The following PDK1 variants were observed in gnomAD, a reference collection of about 807,000 sequenced individuals.
The protein encoded by PDK1 is [Pyruvate dehydrogenase (acetyl-transferring)] kinase isozyme 1, mitochondrial.
Under a neutral mutation model 54.2 loss-of-function variants are expected in PDK1, and 39 were observed. The observed-to-expected ratio is 0.72, with a 90% CI of 0.56 to 0.94. The LOEUF (loss-of-function observed/expected upper bound fraction) is 0.94, where lower values mean the gene tolerates loss of function less well. Among genes scored for constraint, PDK1 ranks in the 40% least tolerant of loss-of-function variants. The pLI is 0.00. For missense variants in PDK1, 552 were observed against 566.0 expected, an observed-to-expected ratio of 0.98 and a Z score of 0.25; for synonymous variants, 221 against 207.1, an observed-to-expected ratio of 1.07 and a Z score of -0.58.
the PDK1 span, chr2:172,678,891 A>G: frequency 6.6e-6 from 1 of 152,234 alleles, no homozygotes; most frequent in South Asian, 2.1e-4. Context: ...GCTTACCCTG[A>G]GTGGAGTTCA....
At chr2:172,576,127 C>T (rs1358369238) in intron 8 of PDK1, among the ~76,000 whole-genome samples, 2 of 152,118 alleles carry the variant, frequency 1.3e-5, no homozygotes, top group East Asian at 1.9e-4. Context: ...GGGGTTTCAC[C>T]GTGTTAGCCA....
At chr2:172,646,735 C>CTTGTTTTTTTTTT in the PDK1 span, among the ~76,000 whole-genome samples, 1 of 72,060 alleles carries the variant, frequency 1.4e-5, no homozygotes, top group African/African-American at 5.2e-5. Context: ...CTTGCATTTC[C>CTTGTTTTTTTTTT]TTTTTTTTTT....
chr2:172,592,437 CT>C (rs147018019), intron 9 of PDK1, among the ~76,000 whole-genome samples: 10,776 of 151,848 alleles, frequency 0.071, 1,226 homozygotes, highest in East Asian at 0.54. Context: ...CTGTCTCTGA[CT>C]TTGTCTCTTT....
At chr2:172,581,155 T>C (rs188258104) in intron 8 of PDK1, among the ~76,000 whole-genome samples, 17 of 152,292 alleles carry the variant, frequency 1.1e-4, no homozygotes, top group Admixed American at 9.8e-4. Flanking sequence ...TGCGGTGGCA[T>C]GATCTCAGCT....
intron 9 of PDK1, 86 bp downstream of exon 9, chr2:172,586,474 T>C (rs1003810549): frequency 2.7e-6 from 2 of 742,702 alleles, no homozygotes; most frequent in Admixed American, 4.2e-5. Flanking sequence ...TAAGCCGTCA[T>C]GTAGGGTACT....
At chr2:172,558,622 AAC>A in intron 1 of PDK1, 84 bp from the exon 2 acceptor site, 1 of 1,223,070 alleles carries the variant, frequency 8.2e-7, no homozygotes, top group South Asian at 1.6e-5. Context: ...CTTGCCGGAT[AAC>A]TTCCTCTCTA....
chr2:172,557,806 T>C (rs960806907), intron 1 of PDK1, among the ~76,000 whole-genome samples: 15 of 151,960 alleles, frequency 9.9e-5, no homozygotes, highest in African/African-American at 3.6e-4. Flanking sequence ...GTAATTAGCA[T>C]TAGTGGTTCT....
chr2:172,641,305 TCC>T, the PDK1 span, among the ~76,000 whole-genome samples: 2 of 152,046 alleles, frequency 1.3e-5, no homozygotes, highest in Non-Finnish European at 2.9e-5. Context: ...AATTCTTTTT[TCC>T]TTTTTGTGGA....
At chr2:172,686,492 A>G in the PDK1 span, among the ~76,000 whole-genome samples, 2 of 152,204 alleles carry the variant, frequency 1.3e-5, no homozygotes, top group African/African-American at 4.8e-5. Flanking sequence ...TGGACCAATC[A>G]GTGCTCTGTA....
At position 172,608,543 on chromosome 2, in the gene PDK1, A is replaced by T. The variant is rs1691368050; in HGVS notation, c.*12574A>T. 1 of 152,202 alleles carries T rather than the reference A, an allele frequency of 6.6e-6. No homozygotes were observed. Among genetic ancestry groups the T allele is most frequent in the Non-Finnish European group, 1.5e-5 (1 of 68,024 alleles). The allele number at this position is 152,202 out of a possible 1,614,324, so 9.4% of individuals were successfully genotyped here. On this transcript the variant is annotated 3_prime_UTR_variant, in exon 11 of 11. Coordinates refer to ENST00000282077, the MANE Select transcript of PDK1 (RefSeq NM_002610.5). ...TTCACTCTGCTGTAAGTCTATGTGA[A>T]ACCAAATCCGTGGATTTACCAATGG...
the PDK1 span, among the ~76,000 whole-genome samples, chr2:172,704,557 G>T: frequency 6.6e-6 from 1 of 152,132 alleles, no homozygotes; most frequent in Non-Finnish European, 1.5e-5. Context: ...GATCAATTTC[G>T]ACAGGTTCTA....
chr2:172,676,863 CTTGTT>C, the PDK1 span, among the ~76,000 whole-genome samples: 2 of 152,110 alleles, frequency 1.3e-5, no homozygotes, highest in Admixed American at 6.5e-5. Context: ...TCATTGTTGT[CTTGTT>C]TTAAGAATTT....
At chr2:172,717,444 T>C in the PDK1 span, among the ~76,000 whole-genome samples, 1 of 152,240 alleles carries the variant, frequency 6.6e-6, no homozygotes, top group Non-Finnish European at 1.5e-5. Flanking sequence ...GGTTGTGTAA[T>C]AACAGATAAA....
At chr2:172,622,329 T>C in the PDK1 span, among the ~76,000 whole-genome samples, 1 of 149,378 alleles carries the variant, frequency 6.7e-6, no homozygotes, top group Non-Finnish European at 1.5e-5. Flanking sequence ...ATGTGAGATA[T>C]GTTTATATCT....
chr2:172,695,153 T>G, the PDK1 span, among the ~76,000 whole-genome samples: 33,222 of 152,078 alleles, frequency 0.22, 4,146 homozygotes, highest in African/African-American at 0.34. Flanking sequence ...CGATGTTTTT[T>G]TGACCAGAAA....
the PDK1 span, among the ~76,000 whole-genome samples, chr2:172,702,998 A>AT: frequency 1.3e-3 from 197 of 152,262 alleles, 1 homozygote; most frequent in African/African-American, 4.6e-3. Flanking sequence ...GAAAAAAAAT[A>AT]TTTTTGCATG....
chr2:172,586,189 A>C, intron 8 of PDK1, 89 bp from the exon 9 acceptor site: 1 of 674,570 alleles, frequency 1.5e-6, no homozygotes, highest in Admixed American at 2.4e-5. Flanking sequence ...CTCTCCCACC[A>C]GCAGTTAAAC....
chr2:172,570,845 G>GT (rs758032161), intron 8 of PDK1, 21 bp downstream of exon 8: 78 of 1,255,108 alleles, frequency 6.2e-5, no homozygotes, highest in Admixed American at 3.3e-4. Context: ...TTAATGGTTT[G>GT]TTTTCTTTTT....
the PDK1 span, among the ~76,000 whole-genome samples, chr2:172,619,286 G>C: frequency 6.6e-6 from 1 of 152,136 alleles, no homozygotes; most frequent in South Asian, 2.1e-4. Flanking sequence ...ATTCACCAGG[G>C]ATGCCCACAT....
Sources: gnomAD v4.1 joint callset for allele counts (sites outside exome capture counted in the v4.1 genomes callset) on GRCh38, gnomAD v4.1.1 for gene constraint, MANE v1.5 for transcripts, NCBI Gene and HGNC (gene_info 2026-07-23, HGNC 2026-07-21) for gene names.